Variants in OPHN1 observed in about 807,000 individuals in gnomAD.
OPHN1 encodes oligophrenin-1.
A neutral mutation model predicts 60.7 loss-of-function variants in OPHN1; 11 were observed. That is an observed-to-expected ratio of 0.18 (90% CI 0.11 to 0.30). The LOEUF is 0.30. OPHN1 is among the 10% of genes least tolerant of loss of function. The probability of loss-of-function intolerance (pLI) is 1.00; values close to 1 mark genes in which losing one functional copy is unlikely to be tolerated. For missense variants in OPHN1, 449 were observed against 611.0 expected (o/e 0.73, Z 2.80); for synonymous variants, 226 against 222.6 (o/e 1.02, Z -0.14).
At chrX:68,149,575 A>C (rs2077276849) in intron 15 of OPHN1, among the ~76,000 whole-genome samples, 1 of 111,451 alleles carries the variant, frequency 9.0e-6, no homozygotes, top group Non-Finnish European at 1.9e-5. Flanking sequence ...AGGGAAATGC[A>C]AATCAAAACC....
At chrX:68,317,299 C>CAA (rs1204792285) in intron 2 of OPHN1, among the ~76,000 whole-genome samples, 1 of 44,368 alleles carries the variant, frequency 2.3e-5, no homozygotes, top group African/African-American at 8.2e-5. Flanking sequence ...AAATCTGTCT[C>CAA]AAAAAAAAAA....
chrX:68,096,675 A>C (rs1041110965), intron 19 of OPHN1, among the ~76,000 whole-genome samples, 195 bp downstream of exon 19: 1 of 111,650 alleles, frequency 9.0e-6, no homozygotes, highest in Non-Finnish European at 1.9e-5. Flanking sequence ...AAAATAATAT[A>C]GTTATAAGCT....
At chrX:68,071,287 T>C (rs2076933236) in intron 20 of OPHN1, 1 of 747,205 alleles carries the variant, frequency 1.3e-6, no homozygotes, top group Non-Finnish European at 2.1e-6. Context: ...AAAAGCACCA[T>C]TGACATGCAC....
chrX:68,228,744 T>C (rs186730504), intron 6 of OPHN1, among the ~76,000 whole-genome samples: 1,333 of 111,039 alleles, frequency 0.012, 8 homozygotes, highest in Non-Finnish European at 0.017. Flanking sequence ...ACAAACTAGG[T>C]ATTGATAGGA....
At chrX:68,055,840 A>G (rs940304436) in intron 21 of OPHN1, among the ~76,000 whole-genome samples, 1 of 111,622 alleles carries the variant, frequency 9.0e-6, no homozygotes, top group Non-Finnish European at 1.9e-5. Context: ...ATTCTGAGCA[A>G]ACTATCTCAA....
At chrX:68,201,519 C>A in intron 11 of OPHN1, 100 bp downstream of exon 11, 1 of 659,865 alleles carries the variant, frequency 1.5e-6, no homozygotes. Flanking sequence ...TAGACTTACT[C>A]ATTGTCATCA....
chrX:68,393,885 G>GCTTTTTT (rs2078666953), intron 2 of OPHN1, among the ~76,000 whole-genome samples: 2 of 34,587 alleles, frequency 5.8e-5, no homozygotes, highest in East Asian at 2.4e-3. Context: ...AATAGACTTT[G>GCTTTTTT]TTTTTTTTTT....
rs2077578240 is a variant in OPHN1, at chrX:68,210,134, C to A, written c.832+19G>T. On this transcript the variant is annotated intron_variant, in intron 9 of 24. Transcript: ENST00000355520. ...CTGGCTTATTGAAACCCAATGGATA[C>A]CCCTATGTCCCCACACACATTTCTC... 19 of 1,208,673 alleles carry A rather than the reference C, an allele frequency of 1.6e-5. No individual in the cohort carries two copies. The highest frequency in any genetic ancestry group is 2.1e-5 in the Non-Finnish European group (19 of 893,736).
chrX:68,208,019 CTTTCTTTCCTTTCTTTCTTTCCTT>C (rs910167119), intron 9 of OPHN1, among the ~76,000 whole-genome samples: 10 of 109,338 alleles, frequency 9.1e-5, no homozygotes, highest in Non-Finnish European at 1.3e-4. Flanking sequence ...TCTTTCTTTC[CTTTCTTTCCTTTCTTTCTTTCCTT>C]TTTCTTTCCT....
chrX:68,051,162 T>C (rs1408511882), intron 23 of OPHN1, among the ~76,000 whole-genome samples: 1 of 111,044 alleles, frequency 9.0e-6, no homozygotes, highest in Non-Finnish European at 1.9e-5. Context: ...CTGGGAAAGG[T>C]ATATTGTTCT....
At chrX:68,422,430 G>A (rs769170020) in intron 2 of OPHN1, among the ~76,000 whole-genome samples, 65 of 107,088 alleles carry the variant, frequency 6.1e-4, no homozygotes, top group African/African-American at 2.1e-3. Flanking sequence ...GGCTGAGGTG[G>A]GAGTATCGCT....
At chrX:68,304,577 TATTCTTTAAATTAACAAAGGGCTTAGC>T (rs1389185988) in intron 2 of OPHN1, among the ~76,000 whole-genome samples, 4 of 112,092 alleles carry the variant, frequency 3.6e-5, no homozygotes, top group Non-Finnish European at 5.6e-5. Context: ...GTATTGCGAA[TATTCTTTAAATTAACAAAGGGCTTAGC>T]ATTCTTTAAA....
At chrX:68,380,763 G>T (rs1187583334) in intron 2 of OPHN1, among the ~76,000 whole-genome samples, 1 of 111,359 alleles carries the variant, frequency 9.0e-6, no homozygotes, top group African/African-American at 3.3e-5. Context: ...TTAATCCTGA[G>T]TTCTAGTTTG....
At chrX:68,103,338 TA>T (rs1048279287) in intron 18 of OPHN1, among the ~76,000 whole-genome samples, 3 of 112,001 alleles carry the variant, frequency 2.7e-5, no homozygotes, top group African/African-American at 9.7e-5. Flanking sequence ...CACTTCATGC[TA>T]AAAACTCTCA....
chrX:68,369,441 A>T (rs1412978058), intron 2 of OPHN1, among the ~76,000 whole-genome samples: 2 of 111,515 alleles, frequency 1.8e-5, no homozygotes, highest in Non-Finnish European at 3.8e-5. Context: ...ACAACAAAAA[A>T]ATCACAAGAC....
intron 15 of OPHN1, among the ~76,000 whole-genome samples, chrX:68,161,487 T>G (rs1179585425): frequency 9.0e-6 from 1 of 110,895 alleles, no homozygotes; most frequent in Admixed American, 9.7e-5. Flanking sequence ...GAACCTTAAT[T>G]AGAACCTCAA....
intron 5 of OPHN1, among the ~76,000 whole-genome samples, chrX:68,245,284 T>A (rs2077800079): frequency 9.0e-6 from 1 of 111,593 alleles, no homozygotes; most frequent in Admixed American, 9.6e-5. Context: ...CAATCTACTC[T>A]CCAGTTTCAC....
intron 6 of OPHN1, among the ~76,000 whole-genome samples, chrX:68,216,974 C>T (rs748827757): frequency 2.2e-4 from 25 of 112,001 alleles, no homozygotes; most frequent in African/African-American, 6.8e-4. Context: ...CCAGCGTGAG[C>T]GACGCAGAAG....
At position 68,194,965 on chromosome X, in the gene OPHN1, C is replaced by CA. The variant is rs1159967989; in HGVS notation, c.1105-468dup. On this transcript the variant is annotated intron_variant, in intron 12 of 24. Coordinates refer to ENST00000355520, the MANE Select transcript of OPHN1 (RefSeq NM_002547.3). ...CCTGGGCAACAGAGCGAGACTCTGT[C>CA]AAAAAAAAAAGAAAGAAAGAAAGAG... 6.1e-4 allele frequency among the ~76,000 whole-genome samples: 41 copies of CA among 67,127 alleles called. 1 individual carries two copies. The highest frequency in any genetic ancestry group is 1.3e-3 in the Admixed American group (6 of 4,671). 58.3% of individuals were successfully genotyped at this position (67,127 alleles called of 115,157 possible).
Sources: allele counts gnomAD v4.1 joint callset (sites outside exome capture counted in the v4.1 genomes callset), GRCh38; gene constraint gnomAD v4.1.1; transcripts MANE v1.5; gene names NCBI Gene and HGNC (gene_info 2026-07-23, HGNC 2026-07-21).